Variants in RIT2 observed in about 807,000 individuals in gnomAD.
The protein encoded by RIT2 is Ras like without CAAX 2, also known as GTP-binding protein Rit2.
In RIT2, 24 loss-of-function variants were observed where a neutral mutation model predicts 23.7. The ratio of observed to expected loss-of-function variants is 1.01; its 90% CI spans 0.73 to 1.43. RIT2 has a LOEUF of 1.43. RIT2 is among the 40% of genes most tolerant of loss of function. RIT2 has a pLI of 0.00. For missense variants in RIT2, 236 were observed against 266.9 expected (o/e 0.88, Z 0.81); for synonymous variants, 107 against 91.1 (o/e 1.17, Z -0.99).
intron 2 of RIT2, among the ~76,000 whole-genome samples, chr18:43,023,162 G>T (rs1911635758): frequency 6.6e-6 from 1 of 152,120 alleles, no homozygotes; most frequent in East Asian, 1.9e-4. Flanking sequence ...GAGATCATAT[G>T]CTACTCATAT....
intron 4 of RIT2, among the ~76,000 whole-genome samples, chr18:42,800,515 A>AG (rs778123657): frequency 2.4e-5 from 1 of 41,320 alleles, no homozygotes. Flanking sequence ...AAGCAGTTAC[A>AG]TTCTTTTTTT....
At chr18:42,924,287 T>C (rs1207586814) in intron 3 of RIT2, among the ~76,000 whole-genome samples, 1 of 152,148 alleles carries the variant, frequency 6.6e-6, no homozygotes, top group Non-Finnish European at 1.5e-5. Flanking sequence ...GAGTTAGACC[T>C]GGTTTTCCTT....
At chr18:42,870,743 C>A (rs571576795) in intron 4 of RIT2, among the ~76,000 whole-genome samples, 2 of 151,814 alleles carry the variant, frequency 1.3e-5, no homozygotes, top group African/African-American at 2.4e-5. Context: ...TAAAGTTGGG[C>A]AATATGGCAG....
At chr18:43,085,442 A>G (rs943262218) in intron 1 of RIT2, among the ~76,000 whole-genome samples, 1 of 152,136 alleles carries the variant, frequency 6.6e-6, no homozygotes, top group Admixed American at 6.6e-5. Context: ...ATAAAATACT[A>G]AAAAGTATTC....
intron 4 of RIT2, among the ~76,000 whole-genome samples, chr18:42,748,078 A>C (rs1412820313): frequency 3.9e-5 from 6 of 152,174 alleles, no homozygotes; most frequent in Non-Finnish European, 8.8e-5. Context: ...ACATCAAAAT[A>C]AACAATCAGC....
At chr18:43,059,435 C>A (rs1015827119) in intron 1 of RIT2, among the ~76,000 whole-genome samples, 1 of 151,972 alleles carries the variant, frequency 6.6e-6, no homozygotes, top group Non-Finnish European at 1.5e-5. Flanking sequence ...CAAGCTTGAG[C>A]GATATCAGGA....
intron 4 of RIT2, among the ~76,000 whole-genome samples, chr18:42,830,452 G>A (rs573694183): frequency 1.3e-4 from 20 of 152,294 alleles, no homozygotes; most frequent in African/African-American, 4.8e-4. Flanking sequence ...TCCTTCCTGA[G>A]AGGCTTCACT....
At chr18:42,809,117 T>C (rs1296717268) in intron 4 of RIT2, among the ~76,000 whole-genome samples, 1 of 152,156 alleles carries the variant, frequency 6.6e-6, no homozygotes, top group Non-Finnish European at 1.5e-5. Context: ...ATGTGATTAA[T>C]AGAAATATGA....
chr18:42,920,548 C>T (rs1598715125), intron 4 of RIT2: 2 of 594,842 alleles, frequency 3.4e-6, no homozygotes, highest in East Asian at 5.6e-5. Context: ...CCTTTGAATC[C>T]TTCCACATTA....
At chr18:43,001,119 G>GT (rs1182244125) in intron 2 of RIT2, among the ~76,000 whole-genome samples, 2 of 151,626 alleles carry the variant, frequency 1.3e-5, no homozygotes, top group African/African-American at 4.8e-5. Context: ...ATTCATTGCA[G>GT]TGGGATAGCA....
intron 4 of RIT2, among the ~76,000 whole-genome samples, chr18:42,772,616 G>T (rs946056376): frequency 5.9e-5 from 9 of 152,154 alleles, no homozygotes; most frequent in Non-Finnish European, 1.2e-4. Context: ...AGGATGCTAG[G>T]TTCACCTATT....
chr18:43,113,802 G>C (rs1352728682), intron 1 of RIT2, among the ~76,000 whole-genome samples: 1 of 152,116 alleles, frequency 6.6e-6, no homozygotes, highest in Non-Finnish European at 1.5e-5. Flanking sequence ...CAATACAGAG[G>C]CACATTATTG....
intron 3 of RIT2, among the ~76,000 whole-genome samples, chr18:42,954,289 C>T (rs917800214): frequency 2.7e-5 from 4 of 149,528 alleles, no homozygotes; most frequent in African/African-American, 4.9e-5. Context: ...AAGCAGGAGA[C>T]TCACTTGAAC....
At chr18:42,852,887 G>T (rs1907093732) in intron 4 of RIT2, among the ~76,000 whole-genome samples, 1 of 147,942 alleles carries the variant, frequency 6.8e-6, no homozygotes, top group African/African-American at 2.5e-5. Context: ...AGGCTGGAAT[G>T]CAGTGGTGCA....
chr18:43,070,424 T>C (rs1482741379), intron 1 of RIT2, among the ~76,000 whole-genome samples: 4 of 152,120 alleles, frequency 2.6e-5, no homozygotes, highest in Admixed American at 2.0e-4. Flanking sequence ...ATGGAGAAAG[T>C]GGTAATAAGG....
chr18:42,884,130 T>C (rs940636200), intron 4 of RIT2, among the ~76,000 whole-genome samples: 6 of 152,190 alleles, frequency 3.9e-5, no homozygotes, highest in Non-Finnish European at 8.8e-5. Context: ...AAACAGAGCA[T>C]AGCAGTGGGT....
chr18:43,083,716 C>G (rs925822237), intron 1 of RIT2, among the ~76,000 whole-genome samples: 4 of 152,122 alleles, frequency 2.6e-5, no homozygotes, highest in African/African-American at 9.7e-5. Flanking sequence ...TTCTTTGCAC[C>G]TTATACAAAA....
chr18:43,107,213 C>T (rs117063096), intron 1 of RIT2, among the ~76,000 whole-genome samples: 3,879 of 152,242 alleles, frequency 0.025, 63 homozygotes, highest in Non-Finnish European at 0.035. Flanking sequence ...CTAGTCCCAA[C>T]GCTACAGATG....
chr18:42,967,981 G>T (rs1271171340), intron 3 of RIT2, among the ~76,000 whole-genome samples: 1 of 151,902 alleles, frequency 6.6e-6, no homozygotes, highest in Non-Finnish European at 1.5e-5. Flanking sequence ...TAGATAATCA[G>T]CATGTTATAT....
Sources: gnomAD v4.1 joint callset for allele counts (sites outside exome capture counted in the v4.1 genomes callset) on GRCh38, gnomAD v4.1.1 for gene constraint, MANE v1.5 for transcripts, NCBI Gene and HGNC (gene_info 2026-07-23, HGNC 2026-07-21) for gene names.